The following BPIFA1 variants were observed in gnomAD, a reference collection of about 807,000 sequenced individuals.
The protein encoded by BPIFA1 is BPI fold containing family A member 1.
A neutral mutation model predicts 25.1 loss-of-function variants in BPIFA1; 24 were observed. The ratio of observed to expected loss-of-function variants is 0.96; its 90% CI spans 0.69 to 1.35. The LOEUF is 1.35. BPIFA1 is among the 40% of genes most tolerant of loss of function. The pLI is 0.00. For missense variants in BPIFA1, 344 were observed against 303.7 expected, an observed-to-expected ratio of 1.13 and a Z score of -0.99; for synonymous variants, 139 against 131.8, an observed-to-expected ratio of 1.05 and a Z score of -0.37.
intron 6 of BPIFA1, 37 bp downstream of exon 6, chr20:33,241,506 T>G: frequency 6.4e-7 from 1 of 1,559,670 alleles, no homozygotes; most frequent in Middle Eastern, 1.7e-4. Flanking sequence ...GATCCTCAGG[T>G]TTTAGAGCTT....
chr20:33,241,470 G>A lies in BPIFA1; in HGVS notation c.666+1G>A, dbSNP rs142916338. On this transcript the variant is annotated splice_donor_variant, in intron 6 of 8. Coordinates refer to ENST00000354297, the MANE Select transcript of BPIFA1 (RefSeq NM_130852.3). LOFTEE classifies it high-confidence loss of function. Reference sequence around the variant, plus strand: ...CCTGCCTGAGTTGGTTCAGGGCAACGTAAGTAGGCAAGGTGGGGATCCCCT... The same window carrying A: ...CCTGCCTGAGTTGGTTCAGGGCAACATAAGTAGGCAAGGTGGGGATCCCCT... 357 of 1,610,646 alleles carry A rather than the reference G, an allele frequency of 2.2e-4. No homozygotes were observed. Among genetic ancestry groups the A allele is most frequent in the Middle Eastern group, 8.3e-4 (5 of 6,060 alleles).
At position 33,237,898 on chromosome 20, in the gene BPIFA1, A is replaced by ATG. The variant is rs11468029; in HGVS notation, c.160+79_160+80dup. ...TGAGTTTTCAGGGGTGTATGTGTGC[A>ATG]TGTGTGTGTGTGTGTGTGTGTGTGT... is the stretch of plus-strand genomic sequence containing the variant. On this transcript the variant is annotated intron_variant, in intron 2 of 8. Transcript: ENST00000354297. 2,555 of 1,186,938 alleles carry ATG rather than the reference A, an allele frequency of 2.2e-3. 5 individuals are homozygous for ATG. The highest frequency in any genetic ancestry group is 4.9e-3 in the Middle Eastern group (18 of 3,672). The allele number at this position is 1,186,938 out of a possible 1,614,324, so 73.5% of individuals were successfully genotyped here. A position where few individuals can be genotyped will look rare whatever the true frequency, so the allele number is the denominator to read the frequency against.
At chr20:33,238,763 G>A (rs1978818967) in intron 3 of BPIFA1, among the ~76,000 whole-genome samples, 1 of 152,182 alleles carries the variant, frequency 6.6e-6, no homozygotes, top group Admixed American at 6.5e-5. Context: ...AGTTTCCCAT[G>A]AGACACCCAA....
chr20:33,239,928 G>T lies in BPIFA1; in HGVS notation c.428+18G>T, dbSNP rs773414927. On this transcript the variant is annotated intron_variant, in intron 4 of 8. Coordinates refer to ENST00000354297, the MANE Select transcript of BPIFA1 (RefSeq NM_130852.3). ...GTGAATACGTGAGTGGGTCCCAAGAGGGGGTGAGAGGATGGCTCACCGAGG... is the reference window on the plus strand; with the variant it reads ...GTGAATACGTGAGTGGGTCCCAAGATGGGGTGAGAGGATGGCTCACCGAGG... The T allele has an allele frequency of 3.7e-6, 6 of 1,603,674 alleles. No individual in the cohort carries two copies. Among genetic ancestry groups the T allele is most frequent in the Non-Finnish European group, 5.1e-6 (6 of 1,170,630 alleles).
chr20:33,242,389 G>A (rs540978019), intron 7 of BPIFA1, 98 bp from the exon 8 acceptor site: 1 of 1,406,418 alleles, frequency 7.1e-7, no homozygotes, highest in African/African-American at 1.4e-5. Context: ...ATCTCCAGAG[G>A]CCTCCATTCC....
At chr20:33,240,202 C>A (rs377378402) in intron 4 of BPIFA1, 31 bp from the exon 5 acceptor site, 8 of 1,609,384 alleles carry the variant, frequency 5.0e-6, no homozygotes, top group African/African-American at 2.7e-5. Flanking sequence ...TGTGGTGGAG[C>A]TAGATACCAG....
rs1272330083 is a variant in BPIFA1, at chr20:33,241,455, T to C, written c.652T>C (p.Leu218=). The change falls in exon 6 of 9, where the codon TTG becomes CTG. Residue 218 remains leucine, a synonymous_variant. Coordinates refer to ENST00000354297, the MANE Select transcript of BPIFA1 (RefSeq NM_130852.3). ...GATCTTGAATAAAGTCCTGCCTGAG[T>C]TGGTTCAGGGCAACGTAAGTAGGCA... ...TGILNKVLPE[L]VQGNVCPLVN... is the part of the protein sequence containing the mutation. The C allele has an allele frequency of 3.9e-5, 63 of 1,613,926 alleles. 2 individuals are homozygous for C. Among genetic ancestry groups the C allele is most frequent in the South Asian group, 3.5e-4 (32 of 91,076 alleles).
rs369998096 is a variant in BPIFA1 at position 33,242,130 on chromosome 20, G to A, written c.730+11G>A. 1.8e-5 allele frequency: 29 copies of A among 1,613,472 alleles called. No homozygotes were observed. The highest frequency in any genetic ancestry group is 2.2e-5 in the South Asian group (2 of 91,068). On this transcript the variant is annotated intron_variant, in intron 7 of 8. Coordinates refer to ENST00000354297, the MANE Select transcript of BPIFA1 (RefSeq NM_130852.3). Reference sequence around the variant, plus strand: ...TGCATGACATTGTTAGTAAGTACCTGCTTTCAAGCCCTCTGTCCCTCTCTG... The same window carrying A: ...TGCATGACATTGTTAGTAAGTACCTACTTTCAAGCCCTCTGTCCCTCTCTG...
At chr20:33,236,495 C>A (rs938907873) in intron 1 of BPIFA1, among the ~76,000 whole-genome samples, 2 of 152,142 alleles carry the variant, frequency 1.3e-5, no homozygotes, top group Non-Finnish European at 2.9e-5. Flanking sequence ...CTCTTTGGAC[C>A]AAAGACCTTT....
At chr20:33,238,003 G>A in intron 2 of BPIFA1, 52 bp from the exon 3 acceptor site, 1 of 1,573,924 alleles carries the variant, frequency 6.4e-7, no homozygotes, top group South Asian at 1.2e-5. Flanking sequence ...GGGGGCCTGA[G>A]GATCTGGAAT....
At chr20:33,242,014 A>C (rs938764098) in intron 6 of BPIFA1, 42 bp from the exon 7 acceptor site, 7 of 1,570,946 alleles carry the variant, frequency 4.5e-6, no homozygotes, top group Non-Finnish European at 6.1e-6. Flanking sequence ...CTGCTGCTCC[A>C]GGGTGCCACT....
chr20:33,239,516 A>G (rs1161325053), intron 3 of BPIFA1, among the ~76,000 whole-genome samples: 1 of 152,226 alleles, frequency 6.6e-6, no homozygotes, highest in Non-Finnish European at 1.5e-5. Flanking sequence ...GCTGGCATAC[A>G]GGATGCAGAT....
chr20:33,240,264 G>T lies in BPIFA1; in HGVS notation c.460G>T (p.Ala154Ser). 6.2e-7 allele frequency: 1 copy of T among 1,614,202 alleles called. No individual in the cohort carries two copies. The highest frequency in any genetic ancestry group is 8.5e-7 in the Non-Finnish European group (1 of 1,180,028). Reference sequence around the variant, plus strand: ...GGTCGGTGCAAGTCTGTTGAGGCTGGCTGTGAAGCTGGACATCACTGCAGA... The same window carrying T: ...GGTCGGTGCAAGTCTGTTGAGGCTGTCTGTGAAGCTGGACATCACTGCAGA... ...PLVGASLLRL[A>S]VKLDITAEIL... The change falls in exon 5 of 9, where the codon GCT becomes TCT. Residue 154 changes from alanine to serine, a missense_variant. Ala to Ser is a moderately conservative substitution (Grantham distance 99). Transcript: ENST00000354297.
Position 33,239,179 on chromosome 20 carries a change from A to G in BPIFA1, c.321-624A>G, listed in dbSNP as rs112346212. Among the ~76,000 whole-genome samples, 1,030 of 152,154 alleles carry G rather than the reference A, an allele frequency of 6.8e-3. 16 individuals carry two copies. Among genetic ancestry groups the G allele is most frequent in the African/African-American group, 0.023 (974 of 41,498 alleles). ...GACAACAGGGTGTGATGATGGATGG[A>G]TGGTTGGAAAGATAGGACAATGGGA... On this transcript the variant is annotated intron_variant, in intron 3 of 8. Transcript: ENST00000354297.
Position 33,238,533 on chromosome 20 carries a change from C to T in BPIFA1, c.320+319C>T, listed in dbSNP as rs78062743. Among the ~76,000 whole-genome samples the T allele has an allele frequency of 1.8e-3, 278 of 152,318 alleles. 7 individuals are homozygous for T. The East Asian group carries it at 0.045, about 25-fold the overall frequency. On this transcript the variant is annotated intron_variant, in intron 3 of 8. Coordinates refer to ENST00000354297, the MANE Select transcript of BPIFA1 (RefSeq NM_130852.3). ...CAAAGCACAGAGGTGCCTGTGTTCA[C>T]GCTGCTAGAGTGATGCCAAGTGAGT...
At chr20:33,237,993 G>T in intron 2 of BPIFA1, 62 bp from the exon 3 acceptor site, 1 of 1,563,026 alleles carries the variant, frequency 6.4e-7, no homozygotes, top group Non-Finnish European at 8.7e-7. Context: ...GGATGGGGGA[G>T]GGGGCCTGAG....
intron 5 of BPIFA1, 48 bp from the exon 6 acceptor site, chr20:33,241,337 C>T (rs749722447): frequency 3.2e-6 from 5 of 1,541,176 alleles, no homozygotes; most frequent in Non-Finnish European, 4.5e-6. Flanking sequence ...GGAGACTTCT[C>T]CACACCATCT....
chr20:33,238,898 A>C (rs1020554174), intron 3 of BPIFA1, among the ~76,000 whole-genome samples: 11 of 152,204 alleles, frequency 7.2e-5, no homozygotes. Context: ...TCACTCCCTG[A>C]CTTGGAGACA....
At chr20:33,237,589 CT>C in intron 1 of BPIFA1, 107 bp from the exon 2 acceptor site, 1 of 879,568 alleles carries the variant, frequency 1.1e-6, no homozygotes, top group Non-Finnish European at 1.6e-6. Context: ...TAGTGACCCC[CT>C]GGTGTTCTGG....
Sources: allele counts gnomAD v4.1 joint callset (sites outside exome capture counted in the v4.1 genomes callset), GRCh38; gene constraint gnomAD v4.1.1; transcripts MANE v1.5; gene names NCBI Gene and HGNC (gene_info 2026-07-23, HGNC 2026-07-21).